The following HPCAL1 variants were observed in gnomAD, a reference collection of about 807,000 sequenced individuals.
The protein encoded by HPCAL1 is hippocalcin-like protein 1.
Under a neutral mutation model 17.1 loss-of-function variants are expected in HPCAL1, and 8 were observed. The observed-to-expected ratio is 0.47, with a 90% CI of 0.27 to 0.84. The LOEUF is 0.84. Among genes scored for constraint, HPCAL1 ranks in the 40% least tolerant of loss-of-function variants. HPCAL1 has a pLI of 0.13. For synonymous variants in HPCAL1, 112 were observed against 111.4 expected (o/e 1.01, Z -0.03); for missense variants, 165 against 271.1 (o/e 0.61, Z 2.75).
intron 1 of HPCAL1, among the ~76,000 whole-genome samples, chr2:10,392,594 G>A (rs556203328): frequency 2.6e-5 from 4 of 152,298 alleles, no homozygotes; most frequent in African/African-American, 9.6e-5. Flanking sequence ...CATTTGTTGT[G>A]CATTAGCTCA....
chr2:10,387,432 C>T (rs748306884), intron 1 of HPCAL1, among the ~76,000 whole-genome samples: 8 of 152,344 alleles, frequency 5.3e-5, no homozygotes, highest in Non-Finnish European at 1.0e-4. Context: ...CACCCTCTCA[C>T]CCCCACAGCG....
chr2:10,330,593 C>T lies in HPCAL1; in HGVS notation c.-111+27416C>T, dbSNP rs868270153. On this transcript the variant is annotated intron_variant, in intron 1 of 4. Transcript: ENST00000307845. This position sits in a 1 kb window ranked among gnomAD's most constrained non-coding sequence, Gnocchi z 4.2. The stretch of plus-strand genomic sequence containing the variant: ...AGCCCTTTCTCCCTCTGTTCTCACA[C>T]GGCCATCCCTCCGAGTGTGTCTGAG... Among the ~76,000 whole-genome samples the T allele has an allele frequency of 3.3e-5, 5 of 152,310 alleles. No homozygotes were observed. Among genetic ancestry groups the T allele is most frequent in the South Asian group, 2.1e-4 (1 of 4,826 alleles).
chr2:10,341,214 C>T (rs1269467150), intron 1 of HPCAL1, among the ~76,000 whole-genome samples: 1 of 151,998 alleles, frequency 6.6e-6, no homozygotes, highest in African/African-American at 2.4e-5. Flanking sequence ...AATCCTAGCA[C>T]TTTGGGAGGC....
chr2:10,378,237 T>G (rs1004249948), intron 1 of HPCAL1, among the ~76,000 whole-genome samples: 117 of 150,560 alleles, frequency 7.8e-4, no homozygotes, highest in African/African-American at 2.6e-3. Flanking sequence ...TTTTTTTTTT[T>G]TTTTTTTTTT....
chr2:10,331,242 T>G lies in HPCAL1; in HGVS notation c.-111+28065T>G, dbSNP rs1664353413. On this transcript the variant is annotated intron_variant, in intron 1 of 4. Transcript: ENST00000307845. This position sits in a 1 kb window ranked among gnomAD's most constrained non-coding sequence, Gnocchi z 5.0. ...TGCCCCCGGCCCAGCCACAGGGTGCTGGCTGCCTGTTACTCAGCACGTCCG... is the reference window on the plus strand; with the variant it reads ...TGCCCCCGGCCCAGCCACAGGGTGCGGGCTGCCTGTTACTCAGCACGTCCG... Among the ~76,000 whole-genome samples, 1 of 152,100 alleles carries G rather than the reference T, an allele frequency of 6.6e-6. No homozygotes were observed. Among genetic ancestry groups the G allele is most frequent in the African/African-American group, 2.4e-5 (1 of 41,422 alleles).
chr2:10,421,208 G>A (rs1460275117), intron 3 of HPCAL1, among the ~76,000 whole-genome samples: 1 of 152,232 alleles, frequency 6.6e-6, no homozygotes, highest in East Asian at 1.9e-4. Flanking sequence ...TAACGATCAC[G>A]AGAATCAGCT....
At chr2:10,383,745 C>T (rs7602184) in intron 1 of HPCAL1, among the ~76,000 whole-genome samples, 15,350 of 151,632 alleles carry the variant, frequency 0.1, 2,511 homozygotes, top group African/African-American at 0.34. Context: ...ATATATTTGT[C>T]GAGTCTCCTC....
At chr2:10,405,617 C>A (rs888753816) in intron 2 of HPCAL1, among the ~76,000 whole-genome samples, 1 of 152,330 alleles carries the variant, frequency 6.6e-6, no homozygotes, top group African/African-American at 2.4e-5. Flanking sequence ...ATCTTCCCCC[C>A]AGGCATGGGT....
intron 2 of HPCAL1, among the ~76,000 whole-genome samples, chr2:10,403,452 TTTTGTGTGTGTGTGTGTGTGTGTG>T (rs201188487): frequency 0.38 from 54,144 of 144,270 alleles, 11,196 homozygotes; most frequent in South Asian, 0.59. Flanking sequence ...CAAAGAGTTC[TTTTGTGTGTGTGTGTGTGTGTGTG>T]TGTGTGTGTG....
intron 2 of HPCAL1, among the ~76,000 whole-genome samples, chr2:10,399,390 A>G (rs1669361375): frequency 8.7e-6 from 1 of 114,602 alleles, no homozygotes. Flanking sequence ...CACCACCACC[A>G]CCACCATCAC....
chr2:10,334,716 C>A (rs1050161972), intron 1 of HPCAL1, among the ~76,000 whole-genome samples: 1 of 100,520 alleles, frequency 9.9e-6, no homozygotes, highest in Non-Finnish European at 2.0e-5. Flanking sequence ...GGCAGGGTCT[C>A]GCTCTGTTAC....
rs1437682479 is a variant in HPCAL1, at chr2:10,363,415, T to C, written c.-110-33420T>C. 1.3e-5 allele frequency among the ~76,000 whole-genome samples: 2 copies of C among 152,176 alleles called. No homozygotes were observed. Among genetic ancestry groups the C allele is most frequent in the East Asian group, 3.9e-4 (2 of 5,184 alleles). ...ATTTCTGCTGCTCTGATAACTTGGA[T>C]CGACTGAAGAACCTCGGGGCTTTCT... On this transcript the variant is annotated intron_variant, in intron 1 of 4. Transcript: ENST00000307845. The surrounding 1 kb of genome is among the most constrained non-coding windows in gnomAD (Gnocchi z 4.7).
At chr2:10,346,883 C>T (rs1017031983) in intron 1 of HPCAL1, among the ~76,000 whole-genome samples, 1 of 139,774 alleles carries the variant, frequency 7.2e-6, no homozygotes, top group African/African-American at 2.6e-5. Flanking sequence ...CTCTCTCCTT[C>T]TAACTGGGGT....
In HPCAL1 at chr2:10,427,391, C is replaced by T. The variant is rs1203781718; in HGVS notation, c.*570C>T. 1.3e-5 allele frequency: 2 copies of T among 151,886 alleles called. No homozygotes were observed. The highest frequency in any genetic ancestry group is 4.9e-5 in the African/African-American group (2 of 41,134). The allele number at this position is 151,886 out of a possible 1,614,324, so 9.4% of individuals were successfully genotyped here. On this transcript the variant is annotated 3_prime_UTR_variant, in exon 5 of 5. Transcript: ENST00000307845. ...GTCCCGTATTTAATGCCTCTGACTG[C>T]CTTTGAAGCGCAGCCCTCTGTGGCC...
rs186818851 is a variant in HPCAL1 at position 10,394,589 on chromosome 2, C to T, written c.-110-2246C>T. Among the ~76,000 whole-genome samples the T allele has an allele frequency of 6.6e-6, 1 of 152,232 alleles. No individual in the cohort carries two copies. Among genetic ancestry groups the T allele is most frequent in the African/African-American group, 2.4e-5 (1 of 41,566 alleles). ...ATCGGTACACGTTTGTCAAAGCCCA[C>T]GGAGTGGCCCACGCCAAGAGGGAAC... On this transcript the variant is annotated intron_variant, in intron 1 of 4. Transcript: ENST00000307845. The surrounding 1 kb of genome is among the most constrained non-coding windows in gnomAD (Gnocchi z 5.0).
At chr2:10,348,849 T>A (rs867782783) in intron 1 of HPCAL1, among the ~76,000 whole-genome samples, 28 of 152,222 alleles carry the variant, frequency 1.8e-4, no homozygotes, top group African/African-American at 4.6e-4. Context: ...ATGATGTTCG[T>A]TGAACCCATT....
Position 10,362,936 on chromosome 2 carries a change from T to G in HPCAL1, c.-110-33899T>G, listed in dbSNP as rs1026528187. Among the ~76,000 whole-genome samples, 1 of 152,170 alleles carries G rather than the reference T, an allele frequency of 6.6e-6. No individual in the cohort carries two copies. Among genetic ancestry groups the G allele is most frequent in the Non-Finnish European group, 1.5e-5 (1 of 68,018 alleles). On this transcript the variant is annotated intron_variant, in intron 1 of 4. Coordinates refer to ENST00000307845, the MANE Select transcript of HPCAL1 (RefSeq NM_002149.4). The surrounding 1 kb of genome is among the most constrained non-coding windows in gnomAD (Gnocchi z 5.0). ...GAATCCCTGGCCCAGAGAGGGAAAC[T>G]GGTTTTCCCAGAGTCACACAGCTAG... is the stretch of plus-strand genomic sequence containing the variant.
At chr2:10,334,342 A>G (rs1664578969) in intron 1 of HPCAL1, among the ~76,000 whole-genome samples, 1 of 149,938 alleles carries the variant, frequency 6.7e-6, no homozygotes, top group African/African-American at 2.4e-5. Flanking sequence ...TTAAACAAAC[A>G]AAAAAACCAA....
intron 1 of HPCAL1, among the ~76,000 whole-genome samples, chr2:10,381,672 C>A (rs1407340214): frequency 6.6e-6 from 1 of 152,114 alleles, no homozygotes; most frequent in Non-Finnish European, 1.5e-5. Flanking sequence ...CCTGTGTGAT[C>A]TTAAAGTAAT....
Sources: gnomAD v4.1 joint callset for allele counts (sites outside exome capture counted in the v4.1 genomes callset) on GRCh38, gnomAD v4.1.1 for gene constraint, Gnocchi (gnomAD v3.1) non-coding constraint, MANE v1.5 for transcripts, NCBI Gene and HGNC (gene_info 2026-07-23, HGNC 2026-07-21) for gene names.